CFAP221: variants seen among roughly 807,000 people sequenced by gnomAD.
CFAP221 encodes the protein cilia- and flagella-associated protein 221.
CFAP221 carries 97 observed loss-of-function variants against 113.1 expected under a neutral mutation model. That is an observed-to-expected ratio of 0.86 (90% CI 0.73 to 1.02). The LOEUF (loss-of-function observed/expected upper bound fraction) is 1.02. Ranked by LOEUF, CFAP221 falls within the 50% of genes least tolerant of loss-of-function variation. The pLI is 0.00. For synonymous variants in CFAP221, 331 were observed against 354.4 expected, an observed-to-expected ratio of 0.93 and a Z score of 0.74; for missense variants, 1,025 against 1,013.4, an observed-to-expected ratio of 1.01 and a Z score of -0.16.
chr2:119,632,836 A>T (rs552898472), intron 19 of CFAP221, among the ~76,000 whole-genome samples: 1 of 152,282 alleles, frequency 6.6e-6, no homozygotes, highest in Admixed American at 6.5e-5. Flanking sequence ...ATATTTCTGT[A>T]TACTAGCAAC....
intron 14 of CFAP221, among the ~76,000 whole-genome samples, chr2:119,615,986 T>G (rs1435670357): frequency 6.6e-6 from 1 of 152,208 alleles, no homozygotes; most frequent in Non-Finnish European, 1.5e-5. Context: ...TGGCAACCAA[T>G]AATCTACTCT....
At chr2:119,583,226 A>G (rs1295590799) in intron 6 of CFAP221, among the ~76,000 whole-genome samples, 1 of 152,186 alleles carries the variant, frequency 6.6e-6, no homozygotes, top group Admixed American at 6.5e-5. Flanking sequence ...CAAACTTTCT[A>G]GAAACATCAT....
chr2:119,629,927 A>T lies in CFAP221; in HGVS notation c.1703A>T (p.Lys568Met), dbSNP rs1369482190. The stretch of plus-strand genomic sequence containing the variant: ...ATTAAGTCTTCAGAAGTTCAAATCA[A>T]GCAGAGTTATTCCTTCTTCAATCTG... ...VPIKSSEVQI[K>M]QSYSFFNLQV... The change falls in exon 17 of 24, where the codon AAG becomes ATG. Residue 568 changes from lysine (K) to methionine (M), a missense_variant. By Grantham distance (95) the Lys-to-Met change is moderately conservative. Transcript: ENST00000413369. The T allele has an allele frequency of 6.2e-7, 1 of 1,613,640 alleles. No homozygotes were observed. The highest frequency in any genetic ancestry group is 2.2e-5 in the East Asian group (1 of 44,882).
At chr2:119,628,730 T>C (rs570379325) in intron 16 of CFAP221, among the ~76,000 whole-genome samples, 1 of 152,390 alleles carries the variant, frequency 6.6e-6, no homozygotes, top group Non-Finnish European at 1.5e-5. Flanking sequence ...ATTACGGGAC[T>C]GAATTTAGAA....
At chr2:119,652,127 A>G (rs1688166609) in intron 23 of CFAP221, 58 bp downstream of exon 23, 6 of 1,392,714 alleles carry the variant, frequency 4.3e-6, no homozygotes, top group Non-Finnish European at 6.0e-6. Flanking sequence ...TTTGTTCTGC[A>G]TAAAGTACAA....
chr2:119,586,153 C>G (rs1235981000), intron 6 of CFAP221, among the ~76,000 whole-genome samples: 1 of 152,018 alleles, frequency 6.6e-6, no homozygotes, highest in Non-Finnish European at 1.5e-5. Context: ...TGTACAGAGT[C>G]AAAGATGAAG....
chr2:119,574,559 T>C (rs1007215577), intron 6 of CFAP221, among the ~76,000 whole-genome samples: 23 of 152,148 alleles, frequency 1.5e-4, no homozygotes, highest in African/African-American at 4.1e-4. Context: ...CACCCCTACA[T>C]TGAGAGTGCT....
intron 21 of CFAP221, among the ~76,000 whole-genome samples, chr2:119,642,593 C>T (rs1237201204): frequency 7.3e-6 from 1 of 136,092 alleles, no homozygotes; most frequent in Non-Finnish European, 1.5e-5. Context: ...CGCTGGAGTG[C>T]AGTGGCATAA....
intron 7 of CFAP221, among the ~76,000 whole-genome samples, chr2:119,600,037 G>A (rs1010071064): frequency 1.3e-5 from 2 of 152,148 alleles, no homozygotes; most frequent in African/African-American, 4.8e-5. Context: ...GCCTCTGCAG[G>A]GACAGTGGGA....
intron 19 of CFAP221, among the ~76,000 whole-genome samples, chr2:119,635,538 G>C (rs1194018221): frequency 6.6e-6 from 1 of 152,144 alleles, no homozygotes; most frequent in African/African-American, 2.4e-5. Flanking sequence ...GGGGCAGGAA[G>C]TGAGGATGGG....
intron 14 of CFAP221, among the ~76,000 whole-genome samples, chr2:119,619,447 G>T (rs1045515148): frequency 6.6e-6 from 1 of 152,126 alleles, no homozygotes; most frequent in Non-Finnish European, 1.5e-5. Context: ...AGGCAAATAG[G>T]GTCTGGAGTA....
chr2:119,545,572 C>A (rs1388554322), intron 1 of CFAP221, among the ~76,000 whole-genome samples: 1 of 152,234 alleles, frequency 6.6e-6, no homozygotes, highest in Non-Finnish European at 1.5e-5. Context: ...CCCTCCTCAT[C>A]ACCCTGTTAG....
intron 20 of CFAP221, among the ~76,000 whole-genome samples, chr2:119,638,835 C>T (rs368056486): frequency 6.6e-6 from 1 of 152,128 alleles, no homozygotes; most frequent in Non-Finnish European, 1.5e-5. Context: ...TACTTCCCCC[C>T]CAGGGAACCA....
At chr2:119,604,574 G>C in intron 8 of CFAP221, 98 bp from the exon 9 acceptor site, 3 of 1,158,626 alleles carry the variant, frequency 2.6e-6, no homozygotes, top group Non-Finnish European at 3.5e-6. Context: ...GGTATAATAA[G>C]GGACTTCAAG....
intron 14 of CFAP221, among the ~76,000 whole-genome samples, chr2:119,624,130 G>T (rs891192240): frequency 6.6e-6 from 1 of 152,134 alleles, no homozygotes; most frequent in South Asian, 2.1e-4. Context: ...TTTGACAAAA[G>T]GCTAATATCC....
chr2:119,609,233 A>G (rs1156965461), intron 12 of CFAP221, among the ~76,000 whole-genome samples: 1 of 152,160 alleles, frequency 6.6e-6, no homozygotes, highest in African/African-American at 2.4e-5. Context: ...AGTGGCTAAA[A>G]CACAGGATAC....
chr2:119,557,308 A>G (rs1680877661), intron 3 of CFAP221: 1 of 152,250 alleles, frequency 6.6e-6, no homozygotes. Flanking sequence ...TGCAACACAT[A>G]TGAACACTTA....
Position 119,628,725 on chromosome 2 carries a change from G to A in CFAP221, c.1650+939G>A, listed in dbSNP as rs150936142. On this transcript the variant is annotated intron_variant, in intron 16 of 23. Coordinates refer to ENST00000413369, the MANE Select transcript of CFAP221 (RefSeq NM_001271049.2). ...TGCAGGTAATCTACTCAAGAATTACGGGACTGAATTTAGAAATTCCACATG... is the reference window on the plus strand; with the variant it reads ...TGCAGGTAATCTACTCAAGAATTACAGGACTGAATTTAGAAATTCCACATG... 4.4e-3 allele frequency among the ~76,000 whole-genome samples: 671 copies of A among 152,264 alleles called. 8 individuals are homozygous for A. The highest frequency in any genetic ancestry group is 0.015 in the African/African-American group (632 of 41,548).
chr2:119,656,296 G>T, intron 23 of CFAP221, 66 bp from the exon 24 acceptor site: 1 of 1,271,642 alleles, frequency 7.9e-7, no homozygotes, highest in South Asian at 1.2e-5. Flanking sequence ...CACTGCTGGC[G>T]GGGGGTGATT....
Sources: gnomAD v4.1 joint callset for allele counts (sites outside exome capture counted in the v4.1 genomes callset) on GRCh38, gnomAD v4.1.1 for gene constraint, MANE v1.5 for transcripts, NCBI Gene and HGNC (gene_info 2026-07-23, HGNC 2026-07-21) for gene names.